The following COMMD10 variants were observed in gnomAD, a reference collection of about 807,000 sequenced individuals.
The protein encoded by COMMD10 is COMM domain-containing protein 10.
In COMMD10, 33 loss-of-function variants were observed where a neutral mutation model predicts 28.9. The ratio of observed to expected loss-of-function variants is 1.14; its 90% confidence interval spans 0.87 to 1.53. The LOEUF (loss-of-function observed/expected upper bound fraction) is 1.53. COMMD10 is among the 40% of genes most tolerant of loss of function. COMMD10 has a pLI of 0.00. For synonymous variants in COMMD10, 110 were observed against 81.7 expected, an observed-to-expected ratio of 1.35 and a Z score of -1.87; for missense variants, 310 against 233.4, an observed-to-expected ratio of 1.33 and a Z score of -2.14.
chr5:116,095,466 C>T (rs528874269), intron 4 of COMMD10, among the ~76,000 whole-genome samples: 11 of 152,176 alleles, frequency 7.2e-5, no homozygotes, highest in East Asian at 3.9e-4. Context: ...TTTAACTTAA[C>T]GATAGATTAA....
At chr5:116,181,861 T>C (rs528729111) in intron 5 of COMMD10, among the ~76,000 whole-genome samples, 1 of 152,254 alleles carries the variant, frequency 6.6e-6, no homozygotes, top group South Asian at 2.1e-4. Context: ...TATTCATTTA[T>C]TCAGTAAATA....
At chr5:116,148,962 T>A (rs1022239587) in intron 5 of COMMD10, among the ~76,000 whole-genome samples, 11 of 151,420 alleles carry the variant, frequency 7.3e-5, no homozygotes, top group Non-Finnish European at 1.3e-4. Context: ...TAACTCATCA[T>A]GTAGCATTAG....
chr5:116,126,251 A>G (rs1751633505), intron 4 of COMMD10, among the ~76,000 whole-genome samples: 1 of 152,182 alleles, frequency 6.6e-6, no homozygotes, highest in Non-Finnish European at 1.5e-5. Context: ...AGAACTACAA[A>G]CCACTGCTCA....
At chr5:116,267,529 T>G (rs1013084676) in intron 5 of COMMD10, among the ~76,000 whole-genome samples, 3 of 151,864 alleles carry the variant, frequency 2.0e-5, no homozygotes, top group African/African-American at 7.3e-5. Flanking sequence ...CTGCCCAAGG[T>G]AATTTACAGA....
rs748538783 is a variant in COMMD10, at chr5:116,245,533, A to G, written c.511-45984A>G. On this transcript the variant is annotated intron_variant, in intron 5 of 6. Transcript: ENST00000274458. ...GATACCAAAACCTGGCAGAGATAAA[A>G]CAAAAAAAGAAAACCTCAGGTCACT... Among the ~76,000 whole-genome samples the G allele has an allele frequency of 4.9e-4, 75 of 152,260 alleles. 2 individuals carry two copies. Among genetic ancestry groups the G allele is most frequent in the Admixed American group, 2.4e-3 (36 of 15,278 alleles).
chr5:116,272,404 G>C lies in COMMD10; in HGVS notation c.511-19113G>C, dbSNP rs950678731. Among the ~76,000 whole-genome samples, 8 of 151,848 alleles carry C rather than the reference G, an allele frequency of 5.3e-5. 1 individual carries two copies. Among genetic ancestry groups the C allele is most frequent in the African/African-American group, 1.9e-4 (8 of 41,190 alleles). ...TTTGTCGTAGTGGAGGAGGACTCTA[G>C]TGAAGCTTTCTTAGGTGTTTTTCTG... On this transcript the variant is annotated intron_variant, in intron 5 of 6. Transcript: ENST00000274458.
At chr5:116,190,812 G>A (rs574333986) in intron 5 of COMMD10, among the ~76,000 whole-genome samples, 47 of 152,276 alleles carry the variant, frequency 3.1e-4, no homozygotes, top group African/African-American at 1.1e-3. Flanking sequence ...AAAACTTTGA[G>A]ATAGCTACAT....
chr5:116,167,571 A>G (rs1240011495), intron 5 of COMMD10, among the ~76,000 whole-genome samples: 1 of 152,172 alleles, frequency 6.6e-6, no homozygotes, highest in Admixed American at 6.5e-5. Context: ...ACATGACGGA[A>G]AAAATGTTAA....
At chr5:116,212,700 C>G (rs995956111) in intron 5 of COMMD10, among the ~76,000 whole-genome samples, 1 of 151,976 alleles carries the variant, frequency 6.6e-6, no homozygotes, top group Non-Finnish European at 1.5e-5. Context: ...TTTTATGAGA[C>G]CAACTTTAAG....
chr5:116,126,520 A>G (rs577992825), intron 4 of COMMD10, among the ~76,000 whole-genome samples: 2 of 152,164 alleles, frequency 1.3e-5, no homozygotes, highest in African/African-American at 4.8e-5. Context: ...CCGGACTTCA[A>G]ACTATACTAC....
intron 5 of COMMD10, among the ~76,000 whole-genome samples, chr5:116,136,430 G>C (rs551810581): frequency 6.6e-6 from 1 of 152,074 alleles, no homozygotes; most frequent in African/African-American, 2.4e-5. Context: ...TTAAGTCTGC[G>C]TAGCTAAAAG....
chr5:116,247,126 A>G (rs1216411550), intron 5 of COMMD10, among the ~76,000 whole-genome samples: 2 of 152,028 alleles, frequency 1.3e-5, no homozygotes, highest in Non-Finnish European at 2.9e-5. Flanking sequence ...TTCCAAAGAA[A>G]AAAACAAAAC....
intron 5 of COMMD10, among the ~76,000 whole-genome samples, chr5:116,224,585 T>A (rs1749344981): frequency 1.3e-5 from 2 of 152,154 alleles, no homozygotes; most frequent in Admixed American, 1.3e-4. Context: ...CGCACTCTTT[T>A]AAACAACCAG....
intron 5 of COMMD10, among the ~76,000 whole-genome samples, chr5:116,178,660 G>GA (rs1342446587): frequency 6.6e-6 from 1 of 152,062 alleles, no homozygotes; most frequent in Non-Finnish European, 1.5e-5. Context: ...AGCATCAGGA[G>GA]ATATATCATC....
At chr5:116,155,762 C>T (rs886110134) in intron 5 of COMMD10, among the ~76,000 whole-genome samples, 2 of 152,032 alleles carry the variant, frequency 1.3e-5, no homozygotes, top group Non-Finnish European at 2.9e-5. Context: ...ATGACTGCCT[C>T]CCACAGTTTC....
intron 5 of COMMD10, among the ~76,000 whole-genome samples, chr5:116,135,618 G>A (rs1752003444): frequency 6.6e-6 from 1 of 152,182 alleles, no homozygotes; most frequent in African/African-American, 2.4e-5. Context: ...AGTAAGATGA[G>A]AGAAAGAGAC....
intron 4 of COMMD10, among the ~76,000 whole-genome samples, chr5:116,118,967 G>A (rs931329282): frequency 6.6e-6 from 1 of 152,182 alleles, no homozygotes; most frequent in Non-Finnish European, 1.5e-5. Context: ...TTATGTCACA[G>A]TATTCAAAGA....
At chr5:116,170,278 C>A (rs532278183) in intron 5 of COMMD10, among the ~76,000 whole-genome samples, 1 of 152,250 alleles carries the variant, frequency 6.6e-6, no homozygotes, top group East Asian at 1.9e-4. Flanking sequence ...ATACAACTTA[C>A]AAGGGATGTG....
At chr5:116,227,875 G>A (rs142457151) in intron 5 of COMMD10, among the ~76,000 whole-genome samples, 5 of 152,166 alleles carry the variant, frequency 3.3e-5, no homozygotes, top group Admixed American at 1.3e-4. Flanking sequence ...ACCAGACATC[G>A]TGTCTAGGTA....
Sources: allele counts gnomAD v4.1 joint callset (sites outside exome capture counted in the v4.1 genomes callset), GRCh38; gene constraint gnomAD v4.1.1; transcripts MANE v1.5; gene names NCBI Gene and HGNC (gene_info 2026-07-23, HGNC 2026-07-21).